Variants in RALYL observed in about 807,000 individuals in gnomAD.
The protein encoded by RALYL is RNA-binding Raly-like protein.
A neutral mutation model predicts 35.1 loss-of-function variants in RALYL; 29 were observed. That is an observed-to-expected ratio of 0.83 (90% CI 0.61 to 1.13). The LOEUF (loss-of-function observed/expected upper bound fraction) is 1.13. Ranked by LOEUF, RALYL falls within the 50% of genes most tolerant of loss-of-function variation. The probability of loss-of-function intolerance (pLI) is 0.00; values close to 1 mark genes in which losing one functional copy is unlikely to be tolerated. For missense variants in RALYL, 359 were observed against 360.4 expected, an observed-to-expected ratio of 1.00 and a Z score of 0.03; for synonymous variants, 120 against 127.6, an observed-to-expected ratio of 0.94 and a Z score of 0.40.
intron 2 of RALYL, among the ~76,000 whole-genome samples, chr8:84,613,482 C>T (rs773549729): frequency 1.3e-5 from 2 of 151,452 alleles, no homozygotes; most frequent in South Asian, 2.1e-4. Flanking sequence ...ACAGGTACCT[C>T]GCATGTGGTA....
chr8:84,631,855 C>T (rs1192435345), intron 2 of RALYL, among the ~76,000 whole-genome samples: 2 of 151,890 alleles, frequency 1.3e-5, no homozygotes, highest in Non-Finnish European at 2.9e-5. Context: ...ATGATTTGAA[C>T]AACTGTTACT....
chr8:84,361,207 G>A (rs190026549), intron 1 of RALYL, among the ~76,000 whole-genome samples: 279 of 152,288 alleles, frequency 1.8e-3, no homozygotes, highest in African/African-American at 6.5e-3. Context: ...AATCTGAACA[G>A]TAAAATTAGT....
At chr8:84,825,234 A>G (rs1393018917) in intron 4 of RALYL, among the ~76,000 whole-genome samples, 1 of 152,202 alleles carries the variant, frequency 6.6e-6, no homozygotes. Context: ...GCCAACAAAC[A>G]TATGAGTAAA....
At chr8:84,425,461 G>T (rs1180541186) in intron 1 of RALYL, among the ~76,000 whole-genome samples, 1 of 152,184 alleles carries the variant, frequency 6.6e-6, no homozygotes, top group African/African-American at 2.4e-5. Flanking sequence ...GCACTCCCTA[G>T]TGAGATGCAC....
chr8:84,213,215 AC>A (rs1207702706), intron 1 of RALYL, among the ~76,000 whole-genome samples: 1 of 152,004 alleles, frequency 6.6e-6, no homozygotes, highest in Non-Finnish European at 1.5e-5. Context: ...ACGTGGTGAA[AC>A]CCCATCTGTA....
chr8:84,415,010 G>T (rs1229836552), intron 1 of RALYL, among the ~76,000 whole-genome samples: 1 of 152,004 alleles, frequency 6.6e-6, no homozygotes, highest in Non-Finnish European at 1.5e-5. Context: ...AAAGTCATAG[G>T]TCACTGGAAT....
intron 1 of RALYL, among the ~76,000 whole-genome samples, chr8:84,197,458 A>G (rs777453369): frequency 9.9e-5 from 15 of 152,174 alleles, no homozygotes; most frequent in Non-Finnish European, 2.1e-4. Flanking sequence ...TTTACATCCT[A>G]TTTACATTTT....
At chr8:84,193,033 C>T (rs61600827) in intron 1 of RALYL, among the ~76,000 whole-genome samples, 9 of 150,358 alleles carry the variant, frequency 6.0e-5, no homozygotes, top group Non-Finnish European at 1.0e-4. Flanking sequence ...AATTTTTTTT[C>T]GTAAGGAAAG....
chr8:84,562,399 A>G (rs541568587), intron 2 of RALYL, among the ~76,000 whole-genome samples: 88 of 152,092 alleles, frequency 5.8e-4, no homozygotes, highest in South Asian at 1.7e-3. Flanking sequence ...ATAAGCAAAT[A>G]TTAACTCGTT....
intron 1 of RALYL, among the ~76,000 whole-genome samples, chr8:84,393,180 A>G (rs1224480597): frequency 3.9e-5 from 6 of 152,072 alleles, no homozygotes; most frequent in Non-Finnish European, 7.4e-5. Context: ...GGTATCTCAC[A>G]AGACTGCAAT....
chr8:84,352,481 A>T (rs182082985), intron 1 of RALYL, among the ~76,000 whole-genome samples: 1 of 150,466 alleles, frequency 6.6e-6, no homozygotes, highest in East Asian at 1.9e-4. Flanking sequence ...TATTCCTGAG[A>T]GTGTATACCA....
intron 1 of RALYL, among the ~76,000 whole-genome samples, chr8:84,259,637 A>G (rs1354897317): frequency 6.6e-6 from 1 of 152,174 alleles, no homozygotes; most frequent in Admixed American, 6.6e-5. Context: ...AATATTCATT[A>G]AATAATATGT....
chr8:84,785,834 C>T (rs775608584), intron 3 of RALYL, among the ~76,000 whole-genome samples: 1 of 152,020 alleles, frequency 6.6e-6, no homozygotes, highest in South Asian at 2.1e-4. Context: ...GAGAAAAAAA[C>T]ATTTTAAGTT....
chr8:84,549,077 G>C (rs1210093882), intron 2 of RALYL, among the ~76,000 whole-genome samples: 2 of 152,174 alleles, frequency 1.3e-5, no homozygotes, highest in African/African-American at 4.8e-5. Flanking sequence ...CCTGTTCTCA[G>C]AGAGGCCCAG....
chr8:84,215,422 G>A (rs1247545076), intron 1 of RALYL, among the ~76,000 whole-genome samples: 1 of 151,792 alleles, frequency 6.6e-6, no homozygotes, highest in Non-Finnish European at 1.5e-5. Flanking sequence ...TCTGAATAAT[G>A]TAAAAATTCT....
chr8:84,457,247 T>C (rs1015061444), intron 1 of RALYL, among the ~76,000 whole-genome samples: 3 of 152,000 alleles, frequency 2.0e-5, no homozygotes, highest in African/African-American at 7.2e-5. Context: ...CCATAACTCA[T>C]AGAATAGACA....
chr8:84,377,715 AC>A (rs1857215756), intron 1 of RALYL, among the ~76,000 whole-genome samples: 1 of 151,672 alleles, frequency 6.6e-6, no homozygotes. Context: ...CATCTTAGGA[AC>A]TAGGAAAATA....
chr8:84,317,782 GC>G (rs1844033623), intron 1 of RALYL, among the ~76,000 whole-genome samples: 1 of 152,246 alleles, frequency 6.6e-6, no homozygotes, highest in South Asian at 2.1e-4. Flanking sequence ...ATCAATCTGT[GC>G]TTTTTTGTCT....
At chr8:84,690,359 T>C (rs1837776264) in intron 2 of RALYL, among the ~76,000 whole-genome samples, 1 of 152,042 alleles carries the variant, frequency 6.6e-6, no homozygotes, top group Admixed American at 6.6e-5. Context: ...AATAGGATGG[T>C]AGTTGGCAGG....
Sources: allele counts gnomAD v4.1 joint callset (sites outside exome capture counted in the v4.1 genomes callset), GRCh38; gene constraint gnomAD v4.1.1; transcripts MANE v1.5; gene names NCBI Gene and HGNC (gene_info 2026-07-23, HGNC 2026-07-21).